The following FGF12 variants were observed in gnomAD, a reference collection of about 807,000 sequenced individuals.
FGF12 encodes the protein fibroblast growth factor 12B.
A neutral mutation model predicts 23.6 loss-of-function variants in FGF12; 14 were observed. The ratio of observed to expected loss-of-function variants is 0.59; its 90% CI spans 0.39 to 0.93. FGF12 has a LOEUF of 0.93. Among genes scored for constraint, FGF12 ranks in the 40% least tolerant of loss-of-function variants. The pLI is 0.00. For missense variants in FGF12, 175 were observed against 217.8 expected, an observed-to-expected ratio of 0.80 and a Z score of 1.24; for synonymous variants, 62 against 77.3, an observed-to-expected ratio of 0.80 and a Z score of 1.04.
intron 2 of FGF12, among the ~76,000 whole-genome samples, chr3:192,553,163 A>G (rs1711603926): frequency 6.6e-6 from 1 of 152,156 alleles, no homozygotes; most frequent in South Asian, 2.1e-4. Flanking sequence ...ACAGATATGC[A>G]AGAAGGAAAG....
At chr3:192,398,796 T>C (rs1185606778) in intron 2 of FGF12, among the ~76,000 whole-genome samples, 1 of 152,164 alleles carries the variant, frequency 6.6e-6, no homozygotes, top group African/African-American at 2.4e-5. Context: ...AAATCCAGAA[T>C]CTAACCAGTC....
intron 2 of FGF12, among the ~76,000 whole-genome samples, chr3:192,470,052 T>C (rs1723126409): frequency 1.3e-5 from 2 of 152,156 alleles, no homozygotes; most frequent in African/African-American, 4.8e-5. Context: ...AAGATAATGA[T>C]GTGTGATGCG....
chr3:192,626,242 T>C (rs1412616167), intron 2 of FGF12, among the ~76,000 whole-genome samples: 1 of 152,232 alleles, frequency 6.6e-6, no homozygotes, highest in Non-Finnish European at 1.5e-5. Context: ...GCATATGTTA[T>C]TTATTTCATG....
chr3:192,199,522 T>G (rs183791197), intron 4 of FGF12, among the ~76,000 whole-genome samples: 3 of 152,270 alleles, frequency 2.0e-5, no homozygotes, highest in African/African-American at 7.2e-5. Flanking sequence ...GGAGGCCAAA[T>G]GTATATGTGG....
At chr3:192,179,208 A>AT (rs1716028691) in intron 4 of FGF12, among the ~76,000 whole-genome samples, 4 of 151,808 alleles carry the variant, frequency 2.6e-5, no homozygotes, top group Non-Finnish European at 1.5e-5. Flanking sequence ...AACAAGTCTA[A>AT]TTTTATAACT....
intron 2 of FGF12, among the ~76,000 whole-genome samples, chr3:192,629,898 C>T (rs1213014868): frequency 6.6e-6 from 1 of 152,140 alleles, no homozygotes; most frequent in Non-Finnish European, 1.5e-5. Flanking sequence ...TTTTAACACG[C>T]TCCCTAGGTA....
At chr3:192,335,948 G>T (rs1717386124) in intron 3 of FGF12, among the ~76,000 whole-genome samples, 1 of 151,946 alleles carries the variant, frequency 6.6e-6, no homozygotes, top group South Asian at 2.1e-4. Context: ...CACAGAAGAA[G>T]AATGCAAAAA....
chr3:192,425,042 G>C (rs944106917), intron 2 of FGF12, among the ~76,000 whole-genome samples: 4 of 152,100 alleles, frequency 2.6e-5, no homozygotes, highest in Non-Finnish European at 5.9e-5. Flanking sequence ...GCTAAGGTAA[G>C]AACTGGTGAA....
intron 4 of FGF12, among the ~76,000 whole-genome samples, chr3:192,313,828 A>G (rs1239863211): frequency 4.6e-5 from 7 of 152,084 alleles, no homozygotes; most frequent in Admixed American, 4.6e-4. Context: ...TGCACAGTTA[A>G]GTTTTTGGTC....
chr3:192,203,260 A>G (rs1020068882), intron 4 of FGF12, among the ~76,000 whole-genome samples: 1 of 152,020 alleles, frequency 6.6e-6, no homozygotes, highest in African/African-American at 2.4e-5. Flanking sequence ...TTTCATATGC[A>G]TTTGTCTTAT....
At chr3:192,333,211 T>C (rs1217435440) in intron 4 of FGF12, among the ~76,000 whole-genome samples, 2 of 152,126 alleles carry the variant, frequency 1.3e-5, no homozygotes, top group African/African-American at 4.8e-5. Context: ...AATACTGTTG[T>C]CAAACTTTCT....
intron 5 of FGF12, among the ~76,000 whole-genome samples, chr3:192,162,020 T>C (rs1364000965): frequency 6.6e-6 from 1 of 152,140 alleles, no homozygotes; most frequent in Non-Finnish European, 1.5e-5. Flanking sequence ...AGAACCTCCA[T>C]CGACTACTAG....
intron 2 of FGF12, among the ~76,000 whole-genome samples, chr3:192,399,917 CT>C (rs1720685060): frequency 6.6e-6 from 1 of 152,232 alleles, no homozygotes; most frequent in South Asian, 2.1e-4. Flanking sequence ...ACAGTCATCC[CT>C]CCCTATGTTC....
intron 2 of FGF12, among the ~76,000 whole-genome samples, chr3:192,516,253 C>T (rs1288935206): frequency 6.6e-6 from 1 of 152,216 alleles, no homozygotes; most frequent in African/African-American, 2.4e-5. Context: ...TGCCAGTGTT[C>T]ATACCAGTGA....
chr3:192,701,466 C>T (rs565277754), intron 2 of FGF12, among the ~76,000 whole-genome samples: 2 of 152,134 alleles, frequency 1.3e-5, no homozygotes, highest in Non-Finnish European at 2.9e-5. Flanking sequence ...CTCTTTTCAT[C>T]AACAAGCAGT....
At position 192,360,603 on chromosome 3, in the gene FGF12, T is replaced by A; in HGVS notation, c.14-65A>T. On this transcript the variant is annotated intron_variant, in intron 2 of 5. Coordinates refer to ENST00000445105, the MANE Select transcript of FGF12 (RefSeq NM_004113.6). The surrounding 1 kb of genome is among the most constrained non-coding windows in gnomAD (Gnocchi z 4.3). ...ACACAAATGCACACTTACAGATTGT[T>A]AAAAACATCCTGTAAGTAAATACGT... is the stretch of plus-strand genomic sequence containing the variant. The A allele has an allele frequency of 1.9e-6, 2 of 1,078,966 alleles. No homozygotes were observed. Among genetic ancestry groups the A allele is most frequent in the Non-Finnish European group, 2.9e-6 (2 of 695,594 alleles). The allele number at this position is 1,078,966 out of a possible 1,614,324, so 66.8% of individuals were successfully genotyped here.
At chr3:192,300,546 G>A (rs1715283385) in intron 4 of FGF12, among the ~76,000 whole-genome samples, 2 of 151,812 alleles carry the variant, frequency 1.3e-5, no homozygotes, top group Admixed American at 1.3e-4. Context: ...GTCTTTCTTG[G>A]GGGCGGTCAT....
intron 4 of FGF12, among the ~76,000 whole-genome samples, chr3:192,187,219 A>AT (rs1339578335): frequency 2.0e-5 from 3 of 152,192 alleles, no homozygotes; most frequent in African/African-American, 7.2e-5. Context: ...GAGCAGAACA[A>AT]TATGTGAAGG....
At chr3:192,163,760 T>C (rs1225102278) in intron 5 of FGF12, among the ~76,000 whole-genome samples, 2 of 151,940 alleles carry the variant, frequency 1.3e-5, no homozygotes, top group African/African-American at 2.4e-5. Flanking sequence ...TTAAATCAGA[T>C]TCTATGAGCT....
Sources: allele counts gnomAD v4.1 joint callset (sites outside exome capture counted in the v4.1 genomes callset), GRCh38; gene constraint gnomAD v4.1.1; non-coding constraint Gnocchi (gnomAD v3.1); transcripts MANE v1.5; gene names NCBI Gene and HGNC (gene_info 2026-07-23, HGNC 2026-07-21).